The following TRAF3IP1 variants were observed in gnomAD, a reference collection of about 807,000 sequenced individuals.
TRAF3IP1 encodes TRAF3-interacting protein 1.
Under a neutral mutation model 89.9 loss-of-function variants are expected in TRAF3IP1, and 53 were observed. The observed-to-expected ratio is 0.59, with a 90% confidence interval of 0.47 to 0.74. The LOEUF is 0.74. TRAF3IP1 is among the 30% of genes least tolerant of loss of function. The probability of loss-of-function intolerance (pLI) is 0.00; values close to 1 mark genes in which losing one functional copy is unlikely to be tolerated. For synonymous variants in TRAF3IP1, 311 were observed against 322.1 expected (o/e 0.97, Z 0.37); for missense variants, 806 against 866.1 (o/e 0.93, Z 0.87).
At chr2:238,335,704 G>A (rs1476098214) in intron 7 of TRAF3IP1, among the ~76,000 whole-genome samples, 1 of 152,044 alleles carries the variant, frequency 6.6e-6, no homozygotes, top group Admixed American at 6.6e-5. Context: ...CTGAGAACAC[G>A]TTGCGTGTAC....
intron 12 of TRAF3IP1, among the ~76,000 whole-genome samples, chr2:238,352,317 G>C (rs758636029): frequency 1.3e-5 from 2 of 152,158 alleles, no homozygotes; most frequent in African/African-American, 2.4e-5. Flanking sequence ...CTGTGACTAG[G>C]AGTTGAATGA....
intron 10 of TRAF3IP1, 129 bp downstream of exon 10, chr2:238,347,604 T>C: frequency 2.3e-6 from 2 of 871,314 alleles, no homozygotes; most frequent in South Asian, 3.1e-5. Flanking sequence ...TGGAAAAAGA[T>C]CATAACTACC....
Position 238,320,542 on chromosome 2 carries a change from G to T in TRAF3IP1, c.-121G>T. Reference sequence around the variant, plus strand: ...TGCACTGTGGGATGGAAACCGGAGCGGCGCGTCCTGGCAGGACCGGGCGGC... The same window carrying T: ...TGCACTGTGGGATGGAAACCGGAGCTGCGCGTCCTGGCAGGACCGGGCGGC... On this transcript the variant is annotated 5_prime_UTR_variant, in exon 1 of 17. Transcript: ENST00000373327. 10 of 1,021,530 alleles carry T rather than the reference G, an allele frequency of 9.8e-6. No homozygotes were observed. The highest frequency in any genetic ancestry group is 1.2e-5 in the Non-Finnish European group (10 of 853,830). The allele number at this position is 1,021,530 out of a possible 1,614,324, so 63.3% of individuals were successfully genotyped here.
In TRAF3IP1 at chr2:238,379,048, C is replaced by G. The variant is rs1451171533; in HGVS notation, c.1690-18411C>G. Among the ~76,000 whole-genome samples, 1 of 152,222 alleles carries G rather than the reference C, an allele frequency of 6.6e-6. No individual in the cohort carries two copies. The highest frequency in any genetic ancestry group is 1.5e-5 in the Non-Finnish European group (1 of 68,044). On this transcript the variant is annotated intron_variant, in intron 15 of 16. Coordinates refer to ENST00000373327, the MANE Select transcript of TRAF3IP1 (RefSeq NM_015650.4). The surrounding 1 kb of genome is among the most constrained non-coding windows in gnomAD (Gnocchi z 4.0). Reference sequence around the variant, plus strand: ...AGGCAGCCTGGCGCTGATGCTGATGCAGCCGCCCTGTGTCAGGTGCTCAGC... The same window carrying G: ...AGGCAGCCTGGCGCTGATGCTGATGGAGCCGCCCTGTGTCAGGTGCTCAGC...
chr2:238,326,066 GA>G (rs940893692), intron 3 of TRAF3IP1, 96 bp downstream of exon 3: 1 of 1,220,050 alleles, frequency 8.2e-7, no homozygotes, highest in African/African-American at 1.5e-5. Flanking sequence ...TTTAGGGAAG[GA>G]GTTTCAGTGG....
At position 238,320,588 on chromosome 2, in the gene TRAF3IP1, C is replaced by T; in HGVS notation, c.-75C>T. 2 of 1,093,482 alleles carry T rather than the reference C, an allele frequency of 1.8e-6. No homozygotes were observed. 67.7% of individuals were successfully genotyped at this position (1,093,482 alleles called of 1,614,324 possible). On this transcript the variant is annotated 5_prime_UTR_variant, in exon 1 of 17. Transcript: ENST00000373327. ...GCGGCGGCGGCGGCGGGGCCGGCGGCGGCCAGGGACCCGGGCTTAGGCTCG... is the reference window on the plus strand; with the variant it reads ...GCGGCGGCGGCGGCGGGGCCGGCGGTGGCCAGGGACCCGGGCTTAGGCTCG...
At chr2:238,328,572 A>G (rs1697951780) in intron 3 of TRAF3IP1, 114 bp from the exon 4 acceptor site, 5 of 1,259,686 alleles carry the variant, frequency 4.0e-6, no homozygotes, top group South Asian at 1.6e-5. Context: ...TTTGAATTTC[A>G]TTGTAGACAG....
intron 15 of TRAF3IP1, among the ~76,000 whole-genome samples, chr2:238,357,031 G>A (rs926463134): frequency 1.3e-5 from 2 of 152,146 alleles, no homozygotes; most frequent in Non-Finnish European, 2.9e-5. Flanking sequence ...ACCCACCTTG[G>A]CCTCCCAAAG....
chr2:238,335,438 G>A (rs958805912), intron 7 of TRAF3IP1, among the ~76,000 whole-genome samples: 6 of 152,006 alleles, frequency 3.9e-5, no homozygotes, highest in Non-Finnish European at 5.9e-5. Context: ...TTTTTTGTGT[G>A]TGGTGTTTTT....
chr2:238,341,457 G>T (rs1018935786), intron 8 of TRAF3IP1, among the ~76,000 whole-genome samples: 1 of 151,304 alleles, frequency 6.6e-6, no homozygotes, highest in African/African-American at 2.4e-5. Flanking sequence ...TTGTCTAACT[G>T]AACTCAGTTA....
chr2:238,369,964 C>A (rs983582271), intron 15 of TRAF3IP1, among the ~76,000 whole-genome samples: 1 of 152,140 alleles, frequency 6.6e-6, no homozygotes, highest in Non-Finnish European at 1.5e-5. Context: ...GTCCTTTCAG[C>A]CTGCGCCCAG....
chr2:238,330,709 T>C (rs538065408), intron 5 of TRAF3IP1, among the ~76,000 whole-genome samples: 10 of 152,176 alleles, frequency 6.6e-5, no homozygotes, highest in Non-Finnish European at 1.0e-4. Flanking sequence ...TGGGGGTCAG[T>C]ATAAGCCCAT....
Position 238,384,337 on chromosome 2 carries a change from G to GATAT in TRAF3IP1, c.1690-13120_1690-13119insATAT, listed in dbSNP as rs1553619338. ...TTTCTAATCTGTCCAGAATCAACCT[G>GATAT]ATGTATGTATGTATGTATGTATGTA... is the stretch of plus-strand genomic sequence containing the variant. On this transcript the variant is annotated intron_variant, in intron 15 of 16. Coordinates refer to ENST00000373327, the MANE Select transcript of TRAF3IP1 (RefSeq NM_015650.4). Among the ~76,000 whole-genome samples, 225 of 139,716 alleles carry GATAT rather than the reference G, an allele frequency of 1.6e-3. 1 individual carries two copies. The highest frequency in any genetic ancestry group is 5.9e-3 in the African/African-American group (219 of 37,372). The allele number at this position is 139,716 out of a possible 152,430, so 91.7% of individuals were successfully genotyped here. A position where few individuals can be genotyped will look rare whatever the true frequency, so the allele number is the denominator to read the frequency against.
At position 238,399,467 on chromosome 2, in the gene TRAF3IP1, C is replaced by T. The variant is rs570798504; in HGVS notation, c.*548C>T. 1 of 152,332 alleles carries T rather than the reference C, an allele frequency of 6.6e-6. No individual in the cohort carries two copies. Among genetic ancestry groups the T allele is most frequent in the South Asian group, 2.1e-4 (1 of 4,814 alleles). 9.4% of individuals were successfully genotyped at this position (152,332 alleles called of 1,614,324 possible). A position where few individuals can be genotyped will look rare whatever the true frequency, so the allele number is the denominator to read the frequency against. On this transcript the variant is annotated 3_prime_UTR_variant, in exon 17 of 17. Coordinates refer to ENST00000373327, the MANE Select transcript of TRAF3IP1 (RefSeq NM_015650.4). The stretch of plus-strand genomic sequence containing the variant: ...AGGTACCTATCAACTGGATTGTTTT[C>T]ATTTTTGTTTTTTGACCTCTTTGTA...
Position 238,397,516 on chromosome 2 carries a change from A to G in TRAF3IP1, c.1747A>G (p.Ile583Val), listed in dbSNP as rs779613172. 2.6e-5 allele frequency: 42 copies of G among 1,612,952 alleles called. 1 individual carries two copies. The South Asian group carries it at 4.6e-4, about 18-fold the overall frequency. Residue 583 changes from isoleucine (I) to valine (V), a missense_variant, in exon 16 of 17, where the codon ATA becomes GTA. By Grantham distance (29) the Ile-to-Val change is conservative (BLOSUM62 3). Coordinates refer to ENST00000373327, the MANE Select transcript of TRAF3IP1 (RefSeq NM_015650.4). ...GGAGAAGGACATCGTTTCCAAGGAG[A>G]TAGAGAAGCTCCGCACGTCCATCCA... ...KKEKDIVSKE[I>V]EKLRTSIQTL... is the part of the protein sequence containing the mutation.
intron 15 of TRAF3IP1, among the ~76,000 whole-genome samples, chr2:238,390,470 GATA>G (rs570147386): frequency 3.2e-3 from 488 of 152,272 alleles, no homozygotes; most frequent in African/African-American, 0.011. Flanking sequence ...AGGTGGTGCT[GATA>G]ATATCTATAA....
At position 238,349,319 on chromosome 2, in the gene TRAF3IP1, G is replaced by A; in HGVS notation, c.1368-6G>A. ...CCTTTTTTGGTTTTCCAATATTTGG[G>A]TTTAGAAGAATTCCTCGGCCTGGGA... On this transcript the variant is annotated splice_region_variant and splice_polypyrimidine_tract_variant and intron_variant, in intron 11 of 16. Coordinates refer to ENST00000373327, the MANE Select transcript of TRAF3IP1 (RefSeq NM_015650.4). 6.2e-7 allele frequency: 1 copy of A among 1,614,030 alleles called. No individual in the cohort carries two copies. Among genetic ancestry groups the A allele is most frequent in the Admixed American group, 1.7e-5 (1 of 60,004 alleles).
At chr2:238,356,847 C>A (rs1468779218) in intron 15 of TRAF3IP1, among the ~76,000 whole-genome samples, 2 of 150,410 alleles carry the variant, frequency 1.3e-5, no homozygotes, top group African/African-American at 4.9e-5. Context: ...GGCATGATCT[C>A]GGCTCACTGC....
At chr2:238,383,373 C>T (rs1488661843) in intron 15 of TRAF3IP1, among the ~76,000 whole-genome samples, 1 of 152,212 alleles carries the variant, frequency 6.6e-6, no homozygotes, top group Non-Finnish European at 1.5e-5. Flanking sequence ...TGTGGCTGCA[C>T]ATAGTGGTGC....
Sources: gnomAD v4.1 joint callset for allele counts (sites outside exome capture counted in the v4.1 genomes callset) on GRCh38, gnomAD v4.1.1 for gene constraint, Gnocchi (gnomAD v3.1) non-coding constraint, MANE v1.5 for transcripts, NCBI Gene and HGNC (gene_info 2026-07-23, HGNC 2026-07-21) for gene names.